The following PHF2 variants were observed in gnomAD, a reference collection of about 807,000 sequenced individuals.
PHF2 encodes lysine-specific demethylase PHF2.
PHF2 carries 27 observed loss-of-function variants against 120.5 expected under a neutral mutation model. The ratio of observed to expected loss-of-function variants is 0.22; its 90% CI spans 0.17 to 0.31. The LOEUF (loss-of-function observed/expected upper bound fraction) is 0.31, where lower values mean the gene tolerates loss of function less well. PHF2 is among the 10% of genes least tolerant of loss of function. The pLI, the probability that PHF2 is intolerant of heterozygous loss-of-function variation, is 1.00. For missense variants in PHF2, 1,024 were observed against 1,434.8 expected, an observed-to-expected ratio of 0.71 and a Z score of 4.63; for synonymous variants, 568 against 592.5, an observed-to-expected ratio of 0.96 and a Z score of 0.60.
intron 1 of PHF2, among the ~76,000 whole-genome samples, chr9:93,580,753 T>C (rs1862916523): frequency 6.6e-6 from 1 of 152,062 alleles, no homozygotes; most frequent in Admixed American, 6.5e-5. Context: ...CCTCAGTAAA[T>C]ATTTGTTGGG....
intron 1 of PHF2, among the ~76,000 whole-genome samples, chr9:93,603,433 G>A (rs1196459169): frequency 2.0e-5 from 3 of 152,152 alleles, no homozygotes; most frequent in Admixed American, 2.0e-4. Flanking sequence ...AGAAGCTCAT[G>A]GTCTTCCCAA....
intron 1 of PHF2, among the ~76,000 whole-genome samples, chr9:93,584,561 G>A (rs1171530225): frequency 1.3e-5 from 2 of 152,114 alleles, no homozygotes; most frequent in African/African-American, 2.4e-5. Context: ...TATACACAGG[G>A]GTTTATTTCT....
At chr9:93,591,666 T>G (rs1825227562) in intron 1 of PHF2, among the ~76,000 whole-genome samples, 1 of 152,220 alleles carries the variant, frequency 6.6e-6, no homozygotes, top group Non-Finnish European at 1.5e-5. Flanking sequence ...CTCCAGACCC[T>G]GGGCAGGGTC....
At chr9:93,675,501 C>T (rs1442909873) in intron 19 of PHF2, among the ~76,000 whole-genome samples, 179 bp from the exon 20 acceptor site, 1 of 152,258 alleles carries the variant, frequency 6.6e-6, no homozygotes, top group African/African-American at 2.4e-5. Flanking sequence ...GCATCTTCCC[C>T]CTTGGGTGGG....
chr9:93,607,962 A>AGG lies in PHF2; in HGVS notation c.99-22006_99-22005dup, dbSNP rs879267645. Reference sequence around the variant, plus strand: ...AGATGAGAGAGAGAGAGAGAGAGAGAGGGAAAGAGATGAGAGAGAGACGGA... The same window carrying AGG: ...AGATGAGAGAGAGAGAGAGAGAGAGAGGGGGAAAGAGATGAGAGAGAGACGGA... On this transcript the variant is annotated intron_variant, in intron 1 of 21. Transcript: ENST00000359246. 1.9e-4 allele frequency among the ~76,000 whole-genome samples: 28 copies of AGG among 145,974 alleles called. No homozygotes were observed. The South Asian group carries it at 4.2e-3, about 22-fold the overall frequency.
intron 17 of PHF2, chr9:93,672,534 G>A (rs978700695): frequency 2.0e-6 from 2 of 984,886 alleles, no homozygotes; most frequent in Admixed American, 6.2e-5. Context: ...GCAGATGCAG[G>A]TGTGGGGGTA....
intron 13 of PHF2, 135 bp from the exon 14 acceptor site, chr9:93,663,382 G>C: frequency 1.5e-6 from 1 of 687,806 alleles, no homozygotes; most frequent in South Asian, 1.8e-5. Flanking sequence ...GCAGTGGCCC[G>C]GGTGGCCACC....
intron 1 of PHF2, among the ~76,000 whole-genome samples, chr9:93,598,905 C>T (rs1468301231): frequency 1.3e-5 from 2 of 152,232 alleles, no homozygotes; most frequent in Non-Finnish European, 2.9e-5. Flanking sequence ...TGTTGGCCTC[C>T]ACACCGTTAT....
chr9:93,618,589 G>T lies in PHF2; in HGVS notation c.99-11381G>T, dbSNP rs867590990. Among the ~76,000 whole-genome samples the T allele has an allele frequency of 2.0e-5, 3 of 152,188 alleles. No homozygotes were observed. In the South Asian group the frequency reaches 6.2e-4, roughly 31 times the overall value. ...TCCACCAAAAGGAATTGTACCATAC[G>T]CATTCTTCTAAAACATGATGTTCTT... On this transcript the variant is annotated intron_variant, in intron 1 of 21. Transcript: ENST00000359246.
intron 2 of PHF2, among the ~76,000 whole-genome samples, chr9:93,633,885 T>G (rs987023405): frequency 6.6e-6 from 1 of 152,070 alleles, no homozygotes; most frequent in Non-Finnish European, 1.5e-5. Context: ...GTGGGCTGCC[T>G]CCTTTTCTTT....
At chr9:93,602,161 G>A (rs1027947371) in intron 1 of PHF2, among the ~76,000 whole-genome samples, 14 of 150,756 alleles carry the variant, frequency 9.3e-5, no homozygotes, top group African/African-American at 3.4e-4. Context: ...TGGAACTATC[G>A]AACAAAAGTA....
In PHF2 at chr9:93,632,459, G is replaced by A. The variant is rs1041969774; in HGVS notation, c.184+2404G>A. On this transcript the variant is annotated intron_variant, in intron 2 of 21. Coordinates refer to ENST00000359246, the MANE Select transcript of PHF2 (RefSeq NM_005392.4). ...CACAGACTGGAGGGCTTAAGTAATA[G>A]AAAATTTATTTCTTACAGTTCTGGA... 2.6e-5 allele frequency among the ~76,000 whole-genome samples: 4 copies of A among 152,350 alleles called. No individual in the cohort carries two copies. In the East Asian group the frequency reaches 7.7e-4, roughly 29 times the overall value.
intron 1 of PHF2, among the ~76,000 whole-genome samples, chr9:93,595,921 G>C (rs1825322800): frequency 6.6e-6 from 1 of 152,212 alleles, no homozygotes; most frequent in African/African-American, 2.4e-5. Context: ...ACAGGCACTG[G>C]TGATACTGTA....
chr9:93,653,113 C>G, intron 5 of PHF2, 66 bp from the exon 6 acceptor site: 1 of 1,470,360 alleles, frequency 6.8e-7, no homozygotes, highest in African/African-American at 1.4e-5. Context: ...GAACATGTTT[C>G]CCACTGCAGG....
chr9:93,606,130 CA>C (rs1442382400), intron 1 of PHF2, among the ~76,000 whole-genome samples: 1 of 152,064 alleles, frequency 6.6e-6, no homozygotes, highest in Non-Finnish European at 1.5e-5. Flanking sequence ...CCACCGTGCT[CA>C]GCTAATTTTT....
rs1368184615 is a variant in PHF2 at position 93,579,495 on chromosome 9, A to C, written c.98+2624A>C. Among the ~76,000 whole-genome samples the C allele has an allele frequency of 2.6e-5, 4 of 152,092 alleles. No individual in the cohort carries two copies. In the East Asian group the frequency reaches 7.7e-4, roughly 29 times the overall value. On this transcript the variant is annotated intron_variant, in intron 1 of 21. Coordinates refer to ENST00000359246, the MANE Select transcript of PHF2 (RefSeq NM_005392.4). Reference sequence around the variant, plus strand: ...CTGACTAAACTACAGGCTTTATTCAAATGTATTTAACCAGTGTTCCCCACT... The same window carrying C: ...CTGACTAAACTACAGGCTTTATTCACATGTATTTAACCAGTGTTCCCCACT...
chr9:93,659,434 C>A, intron 10 of PHF2, 77 bp from the exon 11 acceptor site: 1 of 1,214,026 alleles, frequency 8.2e-7, no homozygotes. Flanking sequence ...AGTCAGGCGA[C>A]AGCCTGCAAG....
intron 3 of PHF2, among the ~76,000 whole-genome samples, chr9:93,644,460 C>T (rs1826220635): frequency 6.6e-6 from 1 of 152,058 alleles, no homozygotes; most frequent in Non-Finnish European, 1.5e-5. Flanking sequence ...GCTCCCAGTG[C>T]TTCTGGTGTG....
intron 1 of PHF2, among the ~76,000 whole-genome samples, chr9:93,619,669 C>A (rs1048646312): frequency 1.3e-5 from 2 of 152,188 alleles, no homozygotes; most frequent in African/African-American, 2.4e-5. Context: ...GCTGGTGGCA[C>A]CCCGTGGCCC....
Sources: gnomAD v4.1 joint callset for allele counts (sites outside exome capture counted in the v4.1 genomes callset) on GRCh38, gnomAD v4.1.1 for gene constraint, MANE v1.5 for transcripts, NCBI Gene and HGNC (gene_info 2026-07-23, HGNC 2026-07-21) for gene names.